CYTIP: variants seen among roughly 807,000 people sequenced by gnomAD.
The protein encoded by CYTIP is cytohesin-interacting protein.
Under a neutral mutation model 43.8 loss-of-function variants are expected in CYTIP, and 26 were observed. The observed-to-expected ratio is 0.59, with a 90% CI of 0.44 to 0.82. The LOEUF is 0.82. Among genes scored for constraint, CYTIP ranks in the 40% least tolerant of loss-of-function variants. The pLI is 0.00. For synonymous variants in CYTIP, 162 were observed against 162.9 expected (o/e 0.99, Z 0.04); for missense variants, 426 against 443.1 (o/e 0.96, Z 0.35).
At chr2:157,418,249 T>A (rs909432921) in intron 7 of CYTIP, among the ~76,000 whole-genome samples, 1 of 152,322 alleles carries the variant, frequency 6.6e-6, no homozygotes, top group South Asian at 2.1e-4. Context: ...TCTTCCCCAA[T>A]GATTTTCTAA....
chr2:157,441,683 T>C (rs1685921268), intron 1 of CYTIP, among the ~76,000 whole-genome samples: 3 of 152,238 alleles, frequency 2.0e-5, no homozygotes, highest in Middle Eastern at 3.4e-3. Context: ...CCTCCTCTGA[T>C]AATCAGCCTC....
chr2:157,433,368 T>C (rs1288364315), intron 3 of CYTIP, among the ~76,000 whole-genome samples: 2 of 152,220 alleles, frequency 1.3e-5, no homozygotes, highest in African/African-American at 4.8e-5. Context: ...GCCTTCTCTG[T>C]CTTCATTGCA....
chr2:157,441,054 T>TTA (rs1685901002), intron 1 of CYTIP, among the ~76,000 whole-genome samples: 1 of 147,352 alleles, frequency 6.8e-6, no homozygotes, highest in Non-Finnish European at 1.5e-5. Flanking sequence ...TATCTTTAAA[T>TTA]AATTCTGAAT....
Position 157,415,775 on chromosome 2 carries a change from G to C in CYTIP, c.982C>G (p.Leu328Val). The change falls in exon 8 of 8, where the codon CTG becomes GTG. Residue 328 changes from leucine to valine, a missense_variant. By Grantham distance (32) the Leu-to-Val change is conservative (BLOSUM62 1). Transcript: ENST00000264192. ...CTTCCCTTTCTGCTCTTCCGGGGCA[G>C]GGTCCCAAACATGCTTGATAAGTTG... ...EGNLSSMFGT[L>V]PRKSRKGSVR... The C allele has an allele frequency of 6.2e-7, 1 of 1,614,224 alleles. No individual in the cohort carries two copies. Among genetic ancestry groups the C allele is most frequent in the Non-Finnish European group, 8.5e-7 (1 of 1,180,032 alleles).
chr2:157,434,616 A>G, intron 2 of CYTIP, 82 bp downstream of exon 2: 2 of 1,020,714 alleles, frequency 2.0e-6, no homozygotes, highest in Non-Finnish European at 3.0e-6. Context: ...AGAGAGAGAG[A>G]GGAAGAGAGA....
chr2:157,423,216 A>G (rs915476584), intron 6 of CYTIP, among the ~76,000 whole-genome samples: 1 of 152,098 alleles, frequency 6.6e-6, no homozygotes, highest in Non-Finnish European at 1.5e-5. Context: ...TCTTAAAGCA[A>G]CCAGAAAAAG....
At chr2:157,420,255 C>T (rs906276259) in intron 6 of CYTIP, among the ~76,000 whole-genome samples, 2 of 152,204 alleles carry the variant, frequency 1.3e-5, no homozygotes, top group Admixed American at 1.3e-4. Context: ...GTGGCTCACG[C>T]CTGTAATCCC....
chr2:157,418,448 C>T, intron 7 of CYTIP, 75 bp downstream of exon 7: 1 of 1,474,678 alleles, frequency 6.8e-7, no homozygotes, highest in Non-Finnish European at 9.2e-7. Flanking sequence ...TGATGATAAT[C>T]TTAAACCAAC....
At chr2:157,418,377 C>T (rs1685470588) in intron 7 of CYTIP, 146 bp downstream of exon 7, 6 of 691,288 alleles carry the variant, frequency 8.7e-6, no homozygotes, top group Non-Finnish European at 1.4e-5. Context: ...CATTCCAAAG[C>T]TCATGCCAAA....
At chr2:157,420,446 G>A (rs754815323) in intron 6 of CYTIP, among the ~76,000 whole-genome samples, 4 of 152,056 alleles carry the variant, frequency 2.6e-5, no homozygotes. Flanking sequence ...AACCTGGGAG[G>A]CAGAGGTTGT....
At chr2:157,432,257 C>T (rs577029706) in intron 3 of CYTIP, among the ~76,000 whole-genome samples, 23 of 152,318 alleles carry the variant, frequency 1.5e-4, no homozygotes, top group African/African-American at 5.1e-4. Flanking sequence ...ATGTAGCTGG[C>T]ACCTCCATAT....
chr2:157,434,339 T>C, intron 3 of CYTIP, 31 bp downstream of exon 3: 1 of 1,580,944 alleles, frequency 6.3e-7, no homozygotes, highest in Non-Finnish European at 8.7e-7. Context: ...CTTTCTTCCT[T>C]GGAAGTCTAG....
In CYTIP at chr2:157,415,998, C is replaced by T; in HGVS notation, c.759G>A (p.Met253Ile). The change falls in exon 8 of 8, where the codon ATG (methionine) becomes ATA (isoleucine). Residue 253 changes from methionine to isoleucine, a missense_variant. Physicochemically the swap from Met to Ile is conservative, Grantham distance 10. Coordinates refer to ENST00000264192, the MANE Select transcript of CYTIP (RefSeq NM_004288.5). ...GGTAGCCATCTTCACTGTCCATCGTCATGGAGCTCAGCCAGCTCTTACAGC... is the reference window on the plus strand; with the variant it reads ...GGTAGCCATCTTCACTGTCCATCGTTATGGAGCTCAGCCAGCTCTTACAGC... The part of the protein sequence containing the change: ...ESSCKSWLSS[M>I]TMDSEDGYQT... The T allele has an allele frequency of 6.2e-7, 1 of 1,614,230 alleles. No individual in the cohort carries two copies. The highest frequency in any genetic ancestry group is 8.5e-7 in the Non-Finnish European group (1 of 1,180,044).
At chr2:157,421,018 C>G (rs1478047204) in intron 6 of CYTIP, among the ~76,000 whole-genome samples, 1 of 152,180 alleles carries the variant, frequency 6.6e-6, no homozygotes, top group African/African-American at 2.4e-5. Flanking sequence ...TGATTTGACC[C>G]AGTCATTTCA....
chr2:157,423,600 T>C (rs370214352), intron 6 of CYTIP, among the ~76,000 whole-genome samples: 19 of 151,060 alleles, frequency 1.3e-4, no homozygotes, highest in African/African-American at 4.6e-4. Context: ...TGCCAGAAAA[T>C]AAGAAGAGGA....
chr2:157,424,856 A>G (rs547955298), intron 6 of CYTIP, among the ~76,000 whole-genome samples: 1 of 152,290 alleles, frequency 6.6e-6, no homozygotes, highest in African/African-American at 2.4e-5. Context: ...TGACCCACGG[A>G]TCATATTAGA....
chr2:157,436,035 C>T (rs10201834), intron 1 of CYTIP, among the ~76,000 whole-genome samples: 6 of 152,254 alleles, frequency 3.9e-5, no homozygotes, highest in South Asian at 2.1e-4. Context: ...ATAAACTTAA[C>T]GTAATGGAGA....
In CYTIP at chr2:157,415,643, G is replaced by A. The variant is rs1171263003; in HGVS notation, c.*34C>T. The A allele has an allele frequency of 2.1e-6, 3 of 1,458,476 alleles. No homozygotes were observed. The highest frequency in any genetic ancestry group is 2.8e-6 in the Non-Finnish European group (3 of 1,059,644). 90.3% of individuals were successfully genotyped at this position (1,458,476 alleles called of 1,614,324 possible). On this transcript the variant is annotated 3_prime_UTR_variant, in exon 8 of 8. Coordinates refer to ENST00000264192, the MANE Select transcript of CYTIP (RefSeq NM_004288.5). ...TCTGGGTGAGTCTAGAGATATTTGT[G>A]AAATAAGCTAATTTGAAAGGACACC... is the stretch of plus-strand genomic sequence containing the variant.
intron 1 of CYTIP, 137 bp from the exon 2 acceptor site, chr2:157,434,884 C>A: frequency 2.3e-6 from 1 of 432,666 alleles, no homozygotes; most frequent in South Asian, 2.8e-5. Flanking sequence ...CACACACACA[C>A]ACACACACAC....
Sources: gnomAD v4.1 joint callset for allele counts (sites outside exome capture counted in the v4.1 genomes callset) on GRCh38, gnomAD v4.1.1 for gene constraint, MANE v1.5 for transcripts, NCBI Gene and HGNC (gene_info 2026-07-23, HGNC 2026-07-21) for gene names.